Variants in RIMS2 observed in about 807,000 individuals in gnomAD.
RIMS2 encodes the protein regulating synaptic membrane exocytosis 2, also known as regulating synaptic membrane exocytosis protein 2.
A neutral mutation model predicts 174.4 loss-of-function variants in RIMS2; 59 were observed. The observed-to-expected ratio is 0.34, with a 90% CI of 0.27 to 0.42. The LOEUF is 0.42. Ranked by LOEUF, RIMS2 falls within the 10% of genes least tolerant of loss-of-function variation. The pLI, the probability that RIMS2 is intolerant of heterozygous loss-of-function variation, is 1.00. For synonymous variants in RIMS2, 606 were observed against 572.5 expected, an observed-to-expected ratio of 1.06 and a Z score of -0.84; for missense variants, 1,620 against 1,666.3, an observed-to-expected ratio of 0.97 and a Z score of 0.48.
At chr8:103,665,640 A>G (rs561973315) in intron 1 of RIMS2, among the ~76,000 whole-genome samples, 12 of 152,332 alleles carry the variant, frequency 7.9e-5, no homozygotes, top group African/African-American at 2.9e-4. Context: ...AATATGGGAA[A>G]TAATTCTTAG....
intron 1 of RIMS2, among the ~76,000 whole-genome samples, chr8:103,661,752 C>T (rs558775201): frequency 5.3e-5 from 8 of 152,290 alleles, no homozygotes; most frequent in African/African-American, 1.9e-4. Flanking sequence ...GCAATCTGCC[C>T]GCTTGGTCTC....
intron 19 of RIMS2, among the ~76,000 whole-genome samples, chr8:104,022,254 T>G (rs1381184394): frequency 6.6e-6 from 1 of 152,188 alleles, no homozygotes; most frequent in African/African-American, 2.4e-5. Context: ...AGTTTTGTTT[T>G]GGGGAAGGGC....
chr8:103,835,330 T>C (rs1205406623), intron 3 of RIMS2, among the ~76,000 whole-genome samples: 1 of 151,392 alleles, frequency 6.6e-6, no homozygotes, highest in African/African-American at 2.4e-5. Context: ...CTTGAACTCC[T>C]GACCTTGTGA....
intron 2 of RIMS2, among the ~76,000 whole-genome samples, chr8:103,708,271 A>G (rs1018577439): frequency 7.9e-5 from 12 of 152,184 alleles, no homozygotes; most frequent in African/African-American, 2.4e-4. Flanking sequence ...GGGGTGGCAG[A>G]TTCTCTTCTG....
chr8:103,948,947 G>A (rs1242967425), intron 14 of RIMS2, among the ~76,000 whole-genome samples: 1 of 147,120 alleles, frequency 6.8e-6, no homozygotes, highest in Non-Finnish European at 1.5e-5. Context: ...ACAACATAAT[G>A]AGACCCCATT....
At chr8:103,684,443 A>T (rs2096915261) in intron 1 of RIMS2, among the ~76,000 whole-genome samples, 1 of 152,116 alleles carries the variant, frequency 6.6e-6, no homozygotes. Flanking sequence ...AACAACATAA[A>T]ATTCAAATTT....
chr8:103,632,201 T>G (rs755818232), intron 1 of RIMS2, among the ~76,000 whole-genome samples: 6 of 152,160 alleles, frequency 3.9e-5, no homozygotes, highest in Non-Finnish European at 8.8e-5. Context: ...TTGTCTTGTG[T>G]CAGTTTTCAA....
intron 1 of RIMS2, among the ~76,000 whole-genome samples, chr8:103,551,401 A>G (rs1847837628): frequency 6.6e-6 from 1 of 152,054 alleles, no homozygotes; most frequent in South Asian, 2.1e-4. Flanking sequence ...ATTCAACAGC[A>G]CTTCATTCTA....
At chr8:104,069,670 T>A (rs4236771) in intron 19 of RIMS2, among the ~76,000 whole-genome samples, 54,995 of 151,594 alleles carry the variant, frequency 0.36, 11,987 homozygotes, top group Non-Finnish European at 0.48. Context: ...GGTTTCACTA[T>A]TGTTGGCCAG....
chr8:104,253,836 C>G (rs772371850), downstream of RIMS2: 25 of 152,116 alleles, frequency 1.6e-4, no homozygotes, highest in Non-Finnish European at 3.2e-4. Flanking sequence ...AACTATCATG[C>G]TTGATACGGT....
intron 1 of RIMS2, among the ~76,000 whole-genome samples, 180 bp from the exon 4 acceptor site, chr8:103,696,906 T>C (rs1048339308): frequency 2.8e-5 from 4 of 141,402 alleles, no homozygotes; most frequent in Admixed American, 7.0e-5. Context: ...CTAGTTGCAA[T>C]ACTTTTACAA....
chr8:103,756,071 C>T (rs114156303), intron 2 of RIMS2, among the ~76,000 whole-genome samples: 1,742 of 152,258 alleles, frequency 0.011, 21 homozygotes, highest in South Asian at 0.05. Flanking sequence ...GTTTTATCTA[C>T]GTTTGATCTT....
chr8:104,063,833 TTA>T (rs1387601585), intron 19 of RIMS2, among the ~76,000 whole-genome samples: 1 of 152,154 alleles, frequency 6.6e-6, no homozygotes, highest in Non-Finnish European at 1.5e-5. Context: ...GAAGTTTGGG[TTA>T]TGAAATTGCT....
chr8:103,989,447 C>T lies in RIMS2; in HGVS notation c.3044+26C>T, dbSNP rs759232275. ...GTAAATATGATTAAATACTATTAGA[C>T]CTTATTATTAATATAATCACTGCTT... is the stretch of plus-strand genomic sequence containing the variant. On this transcript the variant is annotated intron_variant, in intron 17 of 23. Transcript: ENST00000504942. 6.0e-6 allele frequency: 7 copies of T among 1,163,992 alleles called. No homozygotes were observed. In the Admixed American group the frequency reaches 1.3e-4, roughly 22 times the overall value. The allele number at this position is 1,163,992 out of a possible 1,614,324, so 72.1% of individuals were successfully genotyped here. A position where few individuals can be genotyped will look rare whatever the true frequency, so the allele number is the denominator to read the frequency against.
exon 1 of RIMS2, chr8:103,500,871 T>A (rs945720396): frequency 3.2e-6 from 5 of 1,572,554 alleles, no homozygotes; most frequent in Middle Eastern, 2.3e-4. Context: ...CCTAGGGTGG[T>A]TCGGCTCCAC....
At chr8:103,561,778 C>T (rs541069677) in intron 1 of RIMS2, among the ~76,000 whole-genome samples, 1 of 152,238 alleles carries the variant, frequency 6.6e-6, no homozygotes, top group African/African-American at 2.4e-5. Flanking sequence ...TGTATTAGTC[C>T]ATTTTCATTC....
chr8:103,559,530 A>G (rs1453244160), intron 1 of RIMS2: 1 of 198,836 alleles, frequency 5.0e-6, no homozygotes, highest in Non-Finnish European at 1.0e-5. Flanking sequence ...CAATGCAGAG[A>G]TGGCTTTTAA....
chr8:103,818,454 G>A (rs2098731821), intron 3 of RIMS2, among the ~76,000 whole-genome samples: 1 of 152,154 alleles, frequency 6.6e-6, no homozygotes, highest in Non-Finnish European at 1.5e-5. Context: ...ATTATTCACT[G>A]AGAATAGATG....
chr8:104,167,616 C>T lies in RIMS2; in HGVS notation c.3335-77300C>T, dbSNP rs150259690. ...AAATTCGCGAATATTTTCTCCCATT[C>T]TGTGGGTTGTCTATTTACCCTGCTG... On this transcript the variant is annotated intron_variant, in intron 19 of 23. Coordinates refer to ENST00000504942, the Ensembl canonical transcript of RIMS2. Among the ~76,000 whole-genome samples the T allele has an allele frequency of 2.6e-4, 40 of 152,218 alleles. No homozygotes were observed. In the East Asian group the frequency reaches 6.8e-3, roughly 26 times the overall value.
Sources: gnomAD v4.1 joint callset for allele counts (sites outside exome capture counted in the v4.1 genomes callset) on GRCh38, gnomAD v4.1.1 for gene constraint, MANE v1.5 for transcripts, NCBI Gene and HGNC (gene_info 2026-07-23, HGNC 2026-07-21) for gene names.